The following ZSCAN29 variants were observed in gnomAD, a reference collection of about 807,000 sequenced individuals.
The protein encoded by ZSCAN29 is zinc finger and SCAN domain-containing protein 29.
In ZSCAN29, 55 loss-of-function variants were observed where a neutral mutation model predicts 71.9. The ratio of observed to expected loss-of-function variants is 0.76; its 90% confidence interval spans 0.62 to 0.96. The LOEUF (loss-of-function observed/expected upper bound fraction) is 0.96. ZSCAN29 is among the 40% of genes least tolerant of loss of function. ZSCAN29 has a pLI of 0.00. For missense variants in ZSCAN29, 1,042 were observed against 1,042.2 expected (o/e 1.00, Z 0.00); for synonymous variants, 351 against 371.6 (o/e 0.94, Z 0.64).
At position 43,359,338 on chromosome 15, in the gene ZSCAN29, G is replaced by A. The variant is rs2043959983; in HGVS notation, c.*1735C>T. 6.6e-6 allele frequency: 1 copy of A among 152,226 alleles called. No individual in the cohort carries two copies. Among genetic ancestry groups the A allele is most frequent in the Non-Finnish European group, 1.5e-5 (1 of 68,038 alleles). The allele number at this position is 152,226 out of a possible 1,614,324, so 9.4% of individuals were successfully genotyped here. On this transcript the variant is annotated 3_prime_UTR_variant, in exon 6 of 6. Coordinates refer to ENST00000684362, the MANE Select transcript of ZSCAN29 (RefSeq NM_001372080.1). ...GCTTTAGATTGTAAGGACAAGGAGA[G>A]GACCTGTTGACCTTGTGCTATACAG...
Position 43,361,142 on chromosome 15 carries a change from G to A in ZSCAN29, c.2490C>T (p.Ser830=), listed in dbSNP as rs1377719224. ...TTTCTCCGTGCTTATTAAGGGCAGAGCTTTTACTGAAGCACTTACCACAGT... is the reference window on the plus strand; with the variant it reads ...TTTCTCCGTGCTTATTAAGGGCAGAACTTTTACTGAAGCACTTACCACAGT... ...CHDCGKCFSK[S]SALNKHGEIH... is the part of the protein sequence containing the mutation. The change falls in exon 6 of 6, where the codon AGC becomes AGT. Residue 830 remains serine, a synonymous_variant. Transcript: ENST00000684362. The A allele has an allele frequency of 6.2e-7, 1 of 1,613,978 alleles. No homozygotes were observed. The highest frequency in any genetic ancestry group is 8.5e-7 in the Non-Finnish European group (1 of 1,179,828).
In ZSCAN29 at chr15:43,361,100, C is replaced by G. The variant is rs940480583; in HGVS notation, c.2532G>C (p.Lys844Asn). ...ACTTGGGAGCTGACTGTGTCAGAAG[C>G]TTTTCCCGTGCATGGATTTCTCCGT... ...NKHGEIHAREKLLTQSAPK is the reference protein window; with the variant it reads ...NKHGEIHARENLLTQSAPK Residue 844 changes from lysine (K) to asparagine (N), a missense_variant, in exon 6 of 6, where the codon AAG becomes AAC. By Grantham distance (94) the Lys-to-Asn change is moderately conservative. Coordinates refer to ENST00000684362, the MANE Select transcript of ZSCAN29 (RefSeq NM_001372080.1). 6.2e-7 allele frequency: 1 copy of G among 1,604,342 alleles called. No individual in the cohort carries two copies. The highest frequency in any genetic ancestry group is 8.5e-7 in the Non-Finnish European group (1 of 1,172,708).
chr15:43,358,988 A>G lies in ZSCAN29; in HGVS notation c.*2085T>C, dbSNP rs532358268. ...CTTTATCTGGCCTTCCTTACAGTCT[A>G]TCCTTTGCCCTTTGTTCCATCTACA... On this transcript the variant is annotated 3_prime_UTR_variant, in exon 6 of 6. Transcript: ENST00000684362. The G allele has an allele frequency of 3.3e-5, 5 of 152,138 alleles. No individual in the cohort carries two copies. Among genetic ancestry groups the G allele is most frequent in the Admixed American group, 1.3e-4 (2 of 15,278 alleles). The allele number at this position is 152,138 out of a possible 1,614,324, so 9.4% of individuals were successfully genotyped here. A position where few individuals can be genotyped will look rare whatever the true frequency, so the allele number is the denominator to read the frequency against.
At chr15:43,369,189 A>C (rs1466140579) in intron 2 of ZSCAN29, 62 bp from the exon 3 acceptor site, 8 of 1,468,282 alleles carry the variant, frequency 5.4e-6, no homozygotes, top group Non-Finnish European at 7.3e-6. Flanking sequence ...CCCAGAGGAG[A>C]GTATTTAATA....
At chr15:43,364,429 G>C (rs773070537) in intron 4 of ZSCAN29, 47 bp from the exon 5 acceptor site, 2 of 1,539,508 alleles carry the variant, frequency 1.3e-6, no homozygotes, top group Non-Finnish European at 8.9e-7. Context: ...CAGAGCTTTA[G>C]AGCCTGAATT....
chr15:43,366,366 G>C lies in ZSCAN29; in HGVS notation c.966C>G (p.Pro322=). Residue 322 remains proline (P), a synonymous_variant, in exon 4 of 6, where the codon CCC becomes CCG. Coordinates refer to ENST00000684362, the MANE Select transcript of ZSCAN29 (RefSeq NM_001372080.1). ...VKSGHPPETC[P]FFEEMEALMS... is the part of the protein sequence containing the mutation. ...TCAGGGCTTCCATCTCTTCAAAGAA[G>C]GGGCAGGTCTCAGGTGGGTGGCCGC... is the stretch of plus-strand genomic sequence containing the variant. 5.6e-6 allele frequency: 9 copies of C among 1,613,996 alleles called. No homozygotes were observed. Among genetic ancestry groups the C allele is most frequent in the Non-Finnish European group, 7.6e-6 (9 of 1,180,038 alleles).
chr15:43,369,675 TC>T lies in ZSCAN29; in HGVS notation c.238del (p.Glu80AsnfsTer11). 5.6e-6 allele frequency: 9 copies of T among 1,614,250 alleles called. No individual in the cohort carries two copies. Among genetic ancestry groups the T allele is most frequent in the Non-Finnish European group, 7.6e-6 (9 of 1,180,042 alleles). On this transcript the variant is annotated frameshift_variant, in exon 2 of 6. Transcript: ENST00000684362. LOFTEE classifies it high-confidence loss of function. ...CTCCTCTCCATTTTCTGGACATTGTTCCTGTACCCAATTCTGGATCTCCCCA... is the reference window on the plus strand; with the variant it reads ...CTCCTCTCCATTTTCTGGACATTGTTCTGTACCCAATTCTGGATCTCCCCA... ...LPGEIQNWVQ[E>X]QCPENGEEAV...
intron 3 of ZSCAN29, among the ~76,000 whole-genome samples, chr15:43,367,829 A>G (rs917812475): frequency 1.3e-5 from 2 of 152,188 alleles, no homozygotes; most frequent in Non-Finnish European, 2.9e-5. Flanking sequence ...GACCATTACC[A>G]AACTGGCTGA....
chr15:43,365,758 A>ATT (rs754495865), intron 4 of ZSCAN29, among the ~76,000 whole-genome samples: 9 of 152,202 alleles, frequency 5.9e-5, no homozygotes, highest in Non-Finnish European at 1.2e-4. Context: ...CATACTCAAT[A>ATT]AACACTGGTT....
In ZSCAN29 at chr15:43,369,112, T is replaced by C. The variant is rs576124859; in HGVS notation, c.334A>G (p.Lys112Glu). ...TTCTCCAAGCGCACTTCCTGCCCCT[T>C]CACAGAGACTGTGACCTAGAAACAA... ...RPRSSVTVSV[K>E]GQEVRLEKMT... Residue 112 changes from lysine (K) to glutamate (E), a missense_variant, in exon 3 of 6, where the codon AAG becomes GAG. By Grantham distance (56) the Lys-to-Glu change is moderately conservative (BLOSUM62 1). Transcript: ENST00000684362. 979 of 1,576,142 alleles carry C rather than the reference T, an allele frequency of 6.2e-4. 13 individuals are homozygous for C. The South Asian group carries it at 0.011, about 17-fold the overall frequency.
At position 43,370,987 on chromosome 15, in the gene ZSCAN29, GC is replaced by G; in HGVS notation, c.-543del. On this transcript the variant is annotated 5_prime_UTR_variant, in exon 1 of 6. Transcript: ENST00000684362. ...GGGTCCGACCCTGACCCCGGCCCCG[GC>G]CCCGGCCCCGGCCCCGGCTCTCCAG... The G allele has an allele frequency of 3.2e-6, 1 of 316,648 alleles. No homozygotes were observed. Among genetic ancestry groups the G allele is most frequent in the Non-Finnish European group, 6.1e-6 (1 of 165,228 alleles). 19.6% of individuals were successfully genotyped at this position (316,648 alleles called of 1,614,324 possible).
Position 43,361,452 on chromosome 15 carries a change from A to C in ZSCAN29, c.2180T>G (p.Ile727Ser). 1 of 1,613,576 alleles carries C rather than the reference A, an allele frequency of 6.2e-7. No homozygotes were observed. Among genetic ancestry groups the C allele is most frequent in the Non-Finnish European group, 8.5e-7 (1 of 1,179,498 alleles). ...TTGATAAGGTTTCTCTCCTGTGTGG[A>C]TTCTCCTATGGGTGATGAAATTTGA... ...DSSNFITHRR[I>S]HTGEKPYQCG... The change falls in exon 6 of 6, where the codon ATC (isoleucine) becomes AGC (serine). Residue 727 changes from isoleucine to serine, a missense_variant. Coordinates refer to ENST00000684362, the MANE Select transcript of ZSCAN29 (RefSeq NM_001372080.1).
At position 43,371,028 on chromosome 15, in the gene ZSCAN29, C is replaced by T. The variant is rs1342291804; in HGVS notation, c.-583G>A. On this transcript the variant is annotated 5_prime_UTR_variant, in exon 1 of 6. Transcript: ENST00000684362. ...CGGCTCTCCAGCCTCCCAAGTACAGCTCCCAAACCGGAAGTCCGAGCGGGC... is the reference window on the plus strand; with the variant it reads ...CGGCTCTCCAGCCTCCCAAGTACAGTTCCCAAACCGGAAGTCCGAGCGGGC... 2.3e-6 allele frequency: 1 copy of T among 426,574 alleles called. No individual in the cohort carries two copies. Among genetic ancestry groups the T allele is most frequent in the South Asian group, 2.2e-5 (1 of 45,254 alleles). The allele number at this position is 426,574 out of a possible 1,614,324, so 26.4% of individuals were successfully genotyped here.
At position 43,366,671 on chromosome 15, in the gene ZSCAN29, A is replaced by G. The variant is rs1391250450; in HGVS notation, c.661T>C (p.Leu221=). 5 of 1,614,224 alleles carry G rather than the reference A, an allele frequency of 3.1e-6. No homozygotes were observed. The East Asian group carries it at 6.7e-5, about 22-fold the overall frequency. Residue 221 remains leucine (L), a synonymous_variant, in exon 4 of 6, where the codon TTA becomes CTA. Coordinates refer to ENST00000684362, the MANE Select transcript of ZSCAN29 (RefSeq NM_001372080.1). ...IGDRRVHADL[L]PSKKDRRSWV... ...CTTCTTCTATCTTTCTTGGATGGTAACAGATCAGCATGCACTCGTCTGTCT... is the reference window on the plus strand; with the variant it reads ...CTTCTTCTATCTTTCTTGGATGGTAGCAGATCAGCATGCACTCGTCTGTCT...
chr15:43,369,905 G>A lies in ZSCAN29; in HGVS notation c.9C>T (p.Ala3=). 6.3e-7 allele frequency: 1 copy of A among 1,598,054 alleles called. No individual in the cohort carries two copies. Among genetic ancestry groups the A allele is most frequent in the Non-Finnish European group, 8.5e-7 (1 of 1,174,108 alleles). The change falls in exon 2 of 6, where the codon GCC becomes GCT. Residue 3 remains alanine (A), a synonymous_variant. Transcript: ENST00000684362. ...TGCCATTCTCTCTTAGAGCTGATTT[G>A]GCCATCATTAATAGCAGAATGCAGC... is the stretch of plus-strand genomic sequence containing the variant. The part of the protein sequence containing the change: MM[A]KSALRENGTN...
intron 2 of ZSCAN29, 193 bp from the exon 3 acceptor site, chr15:43,369,320 C>A: frequency 3.3e-6 from 2 of 602,628 alleles, no homozygotes; most frequent in South Asian, 3.1e-5. Flanking sequence ...CAGAAGGAAA[C>A]GATCAAAATA....
At position 43,364,346 on chromosome 15, in the gene ZSCAN29, A is replaced by G; in HGVS notation, c.1259T>C (p.Leu420Pro). ...HWGYEETKTY[L>P]AILSETQFYE... ...AAACTGGGTCTCACTAAGAATTGCA[A>G]GGTAAGTCTTGGTCTCTTCATAGCC... Residue 420 changes from leucine to proline, a missense_variant, in exon 5 of 6, where the codon CTT becomes CCT. Transcript: ENST00000684362. 1.9e-6 allele frequency: 3 copies of G among 1,614,140 alleles called. No homozygotes were observed. The highest frequency in any genetic ancestry group is 2.5e-6 in the Non-Finnish European group (3 of 1,180,032).
chr15:43,362,849 T>C (rs1314852779), intron 5 of ZSCAN29, among the ~76,000 whole-genome samples: 1 of 152,204 alleles, frequency 6.6e-6, no homozygotes, highest in Non-Finnish European at 1.5e-5. Flanking sequence ...GGGAACAACA[T>C]TAAAAAATGC....
Position 43,366,777 on chromosome 15 carries a change from G to A in ZSCAN29, c.555C>T (p.Ser185=), listed in dbSNP as rs767440168. Residue 185 remains serine, a synonymous_variant, in exon 4 of 6, where the codon TCC becomes TCT. Coordinates refer to ENST00000684362, the MANE Select transcript of ZSCAN29 (RefSeq NM_001372080.1). ...GLPFPKSGVV[S]RLEQGEPWIP... ...TCCATGGCTCTCCTTGCTCCAACCT[G>A]GAGACCACACCGGATTTAGGAAATG... 12 of 1,613,370 alleles carry A rather than the reference G, an allele frequency of 7.4e-6. No individual in the cohort carries two copies. The East Asian group carries it at 1.8e-4, about 24-fold the overall frequency.
Sources: allele counts gnomAD v4.1 joint callset (sites outside exome capture counted in the v4.1 genomes callset), GRCh38; gene constraint gnomAD v4.1.1; transcripts MANE v1.5; gene names NCBI Gene and HGNC (gene_info 2026-07-23, HGNC 2026-07-21).